NRCAM: variants seen among roughly 807,000 people sequenced by gnomAD.
NRCAM encodes NgCAM-related cell adhesion molecule.
A neutral mutation model predicts 156.5 loss-of-function variants in NRCAM; 83 were observed. The observed-to-expected ratio is 0.53, with a 90% CI of 0.44 to 0.64. The LOEUF is 0.64. NRCAM is among the 30% of genes least tolerant of loss of function. The probability of loss-of-function intolerance (pLI) is 0.00; values close to 1 mark genes in which losing one functional copy is unlikely to be tolerated. For missense variants in NRCAM, 1,417 were observed against 1,597.3 expected (o/e 0.89, Z 1.92); for synonymous variants, 538 against 563.9 (o/e 0.95, Z 0.65).
intron 2 of NRCAM, among the ~76,000 whole-genome samples, chr7:108,345,990 A>C (rs2099351063): frequency 6.6e-6 from 1 of 152,242 alleles, no homozygotes; most frequent in Admixed American, 6.5e-5. Context: ...ATGGGCATTA[A>C]GCATGAGATG....
chr7:108,327,452 G>A (rs2099081436), intron 2 of NRCAM, among the ~76,000 whole-genome samples: 1 of 152,148 alleles, frequency 6.6e-6, no homozygotes. Context: ...ATGGCAGAGT[G>A]TATTTAATGC....
intron 2 of NRCAM, among the ~76,000 whole-genome samples, chr7:108,342,432 C>A (rs182641832): frequency 6.6e-6 from 1 of 152,336 alleles, no homozygotes; most frequent in African/African-American, 2.4e-5. Context: ...CAGGCTTCTG[C>A]CGAATATGGA....
chr7:108,310,072 A>G (rs2098780954), intron 3 of NRCAM, among the ~76,000 whole-genome samples: 1 of 152,158 alleles, frequency 6.6e-6, no homozygotes, highest in African/African-American at 2.4e-5. Context: ...AGTCCAAGGG[A>G]AAGAACAAAT....
chr7:108,419,045 C>A lies in NRCAM; in HGVS notation c.-331-19452G>T, dbSNP rs140429714. ...ACTTAACTAGTTTCACACACACACA[C>A]AAAAAATCACCGTATGTCCGCTCTG... is the stretch of plus-strand genomic sequence containing the variant. On this transcript the variant is annotated intron_variant, in intron 1 of 32. Transcript: ENST00000379028. 2.6e-3 allele frequency among the ~76,000 whole-genome samples: 395 copies of A among 152,210 alleles called. 2 individuals are homozygous for A. Among genetic ancestry groups the A allele is most frequent in the South Asian group, 7.5e-3 (36 of 4,812 alleles).
At chr7:108,456,007 G>C (rs911619572) in intron 1 of NRCAM, among the ~76,000 whole-genome samples, 3 of 152,164 alleles carry the variant, frequency 2.0e-5, no homozygotes, top group Admixed American at 2.0e-4. Flanking sequence ...TCACCCAAGC[G>C]CAGGTCCCCC....
intron 13 of NRCAM, among the ~76,000 whole-genome samples, chr7:108,204,814 T>G (rs1563431201): frequency 6.6e-6 from 1 of 152,220 alleles, no homozygotes. Flanking sequence ...TGATCTGATT[T>G]GAGACATTTA....
At chr7:108,336,919 T>C (rs55882263) in intron 2 of NRCAM, among the ~76,000 whole-genome samples, 5,454 of 152,240 alleles carry the variant, frequency 0.036, 355 homozygotes, top group African/African-American at 0.12. Flanking sequence ...AATAAGTTAT[T>C]GATAAGAGCA....
chr7:108,301,645 G>A (rs2098616651), intron 3 of NRCAM, among the ~76,000 whole-genome samples: 1 of 151,990 alleles, frequency 6.6e-6, no homozygotes, highest in Admixed American at 6.6e-5. Flanking sequence ...AGAAGTAGAA[G>A]GGAAATTAGA....
Position 108,196,001 on chromosome 7 carries a change from G to A in NRCAM, c.1352-129C>T, listed in dbSNP as rs2074848870. The A allele has an allele frequency of 2.5e-5, 17 of 673,776 alleles. No homozygotes were observed. The South Asian group carries it at 3.0e-4, about 12-fold the overall frequency. 41.7% of individuals were successfully genotyped at this position (673,776 alleles called of 1,614,324 possible). On this transcript the variant is annotated intron_variant, in intron 14 of 32. Coordinates refer to ENST00000379028, the MANE Select transcript of NRCAM (RefSeq NM_001037132.4). ...ACAAGCAATCTATCTCTCTCCTTAT[G>A]TTCTCTATCAGGCATAATGCTGCCA... is the stretch of plus-strand genomic sequence containing the variant.
intron 3 of NRCAM, among the ~76,000 whole-genome samples, chr7:108,246,631 G>A (rs902056155): frequency 1.1e-4 from 17 of 152,154 alleles, no homozygotes; most frequent in Admixed American, 7.2e-4. Flanking sequence ...ACACTGGATA[G>A]GTGATAACAA....
rs1462419552 is a variant in NRCAM at position 108,239,441 on chromosome 7, C to T, written c.106+518G>A. ...AATTGGAAAGTGAGATGCGCCTTGTCTGAATCAAGAGAAATGAATTCTGGG... is the reference window on the plus strand; with the variant it reads ...AATTGGAAAGTGAGATGCGCCTTGTTTGAATCAAGAGAAATGAATTCTGGG... On this transcript the variant is annotated intron_variant, in intron 4 of 32. Coordinates refer to ENST00000379028, the MANE Select transcript of NRCAM (RefSeq NM_001037132.4). Among the ~76,000 whole-genome samples, 4 of 152,150 alleles carry T rather than the reference C, an allele frequency of 2.6e-5. No individual in the cohort carries two copies. The East Asian group carries it at 7.7e-4, about 29-fold the overall frequency.
intron 1 of NRCAM, among the ~76,000 whole-genome samples, chr7:108,445,423 T>C (rs764213345): frequency 2.5e-4 from 38 of 152,184 alleles, no homozygotes; most frequent in Non-Finnish European, 4.1e-4. Context: ...ACCACTTCAT[T>C]TATTCAAAAT....
Position 108,180,263 on chromosome 7 carries a change from G to A in NRCAM, c.2811C>T (p.Gly937=). The change falls in exon 25 of 33, where the codon GGC becomes GGT. Residue 937 remains glycine, a synonymous_variant. Coordinates refer to ENST00000379028, the MANE Select transcript of NRCAM (RefSeq NM_001037132.4). ...TAAAGACTCTGTCAGGGCTGGCTGG[G>A]CCCTCCCCTTTCCCATTGACCACTC... The part of the protein sequence containing the change: ...NVRVVNGKGE[G]PASPDRVFNT... The A allele has an allele frequency of 6.2e-7, 1 of 1,614,174 alleles. No individual in the cohort carries two copies. The highest frequency in any genetic ancestry group is 8.5e-7 in the Non-Finnish European group (1 of 1,180,026).
At chr7:108,290,291 G>A (rs1165705355) in intron 3 of NRCAM, among the ~76,000 whole-genome samples, 2 of 152,060 alleles carry the variant, frequency 1.3e-5, no homozygotes, top group Non-Finnish European at 2.9e-5. Flanking sequence ...GGAGGAAAAA[G>A]CAGAAAGCAA....
chr7:108,398,611 T>C (rs1343051402), intron 2 of NRCAM, among the ~76,000 whole-genome samples: 1 of 152,162 alleles, frequency 6.6e-6, no homozygotes, highest in Non-Finnish European at 1.5e-5. Flanking sequence ...TGCAATGCCC[T>C]TGTCCACCCT....
intron 3 of NRCAM, among the ~76,000 whole-genome samples, chr7:108,297,179 T>C (rs888513033): frequency 6.6e-6 from 1 of 152,222 alleles, no homozygotes; most frequent in African/African-American, 2.4e-5. Context: ...AAAGGATCAG[T>C]GACATACTTC....
At chr7:108,218,214 G>A (rs1051205552) in intron 11 of NRCAM, among the ~76,000 whole-genome samples, 5 of 149,322 alleles carry the variant, frequency 3.3e-5, no homozygotes, top group Non-Finnish European at 7.4e-5. Flanking sequence ...CACTTCCTGA[G>A]TGAGGTGACA....
At chr7:108,326,566 A>G (rs2099070995) in intron 2 of NRCAM, among the ~76,000 whole-genome samples, 1 of 152,236 alleles carries the variant, frequency 6.6e-6, no homozygotes, top group Non-Finnish European at 1.5e-5. Flanking sequence ...GGGCTAACAA[A>G]GTAGTAGAAT....
chr7:108,159,619 G>A (rs2047618092), intron 31 of NRCAM, 78 bp from the exon 32 acceptor site: 2 of 1,064,434 alleles, frequency 1.9e-6, no homozygotes, highest in South Asian at 2.6e-5. Flanking sequence ...CATTCTTTGA[G>A]ATATACAGCA....
Sources: gnomAD v4.1 joint callset for allele counts (sites outside exome capture counted in the v4.1 genomes callset) on GRCh38, gnomAD v4.1.1 for gene constraint, MANE v1.5 for transcripts, NCBI Gene and HGNC (gene_info 2026-07-23, HGNC 2026-07-21) for gene names.